The following DDAH1 variants were observed in gnomAD, a reference collection of about 807,000 sequenced individuals.
DDAH1 encodes dimethylarginine dimethylaminohydrolase 1.
DDAH1 carries 19 observed loss-of-function variants against 28.8 expected under a neutral mutation model. The ratio of observed to expected loss-of-function variants is 0.66; its 90% CI spans 0.46 to 0.97. The LOEUF (loss-of-function observed/expected upper bound fraction) is 0.97. DDAH1 is among the 50% of genes least tolerant of loss of function. The probability of loss-of-function intolerance (pLI) is 0.00; values close to 1 mark genes in which losing one functional copy is unlikely to be tolerated. For synonymous variants in DDAH1, 153 were observed against 154.4 expected (o/e 0.99, Z 0.07); for missense variants, 326 against 375.9 (o/e 0.87, Z 1.10).
chr1:85,343,613 C>T (rs1648646852), intron 4 of DDAH1, among the ~76,000 whole-genome samples: 1 of 152,180 alleles, frequency 6.6e-6, no homozygotes, highest in South Asian at 2.1e-4. Flanking sequence ...AATCTTGTGG[C>T]TACACACTAT....
intron 1 of DDAH1, among the ~76,000 whole-genome samples, chr1:85,454,076 A>AC (rs1215635264): frequency 1.3e-5 from 2 of 151,684 alleles, no homozygotes; most frequent in African/African-American, 4.9e-5. Flanking sequence ...ACTGGGTACA[A>AC]CCCCTGGCAA....
chr1:85,525,925 A>G (rs1487516299), intron 1 of DDAH1, among the ~76,000 whole-genome samples: 2 of 152,188 alleles, frequency 1.3e-5, no homozygotes, highest in Non-Finnish European at 2.9e-5. Flanking sequence ...AGTCAGTGGG[A>G]ACTTGCTATC....
chr1:85,334,979 C>A (rs1243710165), intron 4 of DDAH1, among the ~76,000 whole-genome samples: 1 of 152,108 alleles, frequency 6.6e-6, no homozygotes, highest in African/African-American at 2.4e-5. Flanking sequence ...GTTTCCCAAA[C>A]AACCAAAAAC....
chr1:85,361,523 C>A (rs1649795614), intron 1 of DDAH1, among the ~76,000 whole-genome samples: 1 of 152,038 alleles, frequency 6.6e-6, no homozygotes, highest in South Asian at 2.1e-4. Flanking sequence ...TTTTAGCCCA[C>A]AAAATTAGAA....
chr1:85,380,875 T>C (rs931908508), intron 1 of DDAH1, among the ~76,000 whole-genome samples: 1 of 152,142 alleles, frequency 6.6e-6, no homozygotes, highest in Non-Finnish European at 1.5e-5. Context: ...ACTTTCAAAA[T>C]ATGAAAAATT....
At chr1:85,527,716 T>A (rs115556970) in intron 1 of DDAH1, among the ~76,000 whole-genome samples, 5,521 of 152,240 alleles carry the variant, frequency 0.036, 157 homozygotes, top group South Asian at 0.1. Context: ...TTTTTTTTCA[T>A]ATTGGTCTTT....
intron 1 of DDAH1, among the ~76,000 whole-genome samples, chr1:85,389,829 G>C (rs1018950915): frequency 1.3e-5 from 2 of 152,170 alleles, no homozygotes; most frequent in African/African-American, 4.8e-5. Flanking sequence ...AAAAGTGTTA[G>C]AGAGGGAATT....
chr1:85,389,291 T>C (rs554924708), intron 1 of DDAH1, among the ~76,000 whole-genome samples: 2 of 152,314 alleles, frequency 1.3e-5, no homozygotes, highest in South Asian at 4.1e-4. Context: ...AAAAGTTGTT[T>C]TTATCTCAAA....
chr1:85,474,656 G>A (rs1235389417), intron 2 of DDAH1, among the ~76,000 whole-genome samples: 1 of 152,172 alleles, frequency 6.6e-6, no homozygotes, highest in Non-Finnish European at 1.5e-5. Context: ...AATCCAAGGA[G>A]CTCTTGGCAA....
intron 2 of DDAH1, among the ~76,000 whole-genome samples, chr1:85,473,264 A>G (rs1655679901): frequency 6.6e-6 from 1 of 152,172 alleles, no homozygotes. Context: ...GTCAAATGGT[A>G]GTTCCCCAAA....
intron 1 of DDAH1, among the ~76,000 whole-genome samples, chr1:85,423,738 A>T (rs1248226582): frequency 6.6e-6 from 1 of 152,158 alleles, no homozygotes; most frequent in Non-Finnish European, 1.5e-5. Flanking sequence ...TCATGCAAAA[A>T]ATAGCTTAAT....
intron 1 of DDAH1, among the ~76,000 whole-genome samples, chr1:85,430,257 T>C (rs1557620918): frequency 6.6e-6 from 1 of 152,190 alleles, no homozygotes; most frequent in Non-Finnish European, 1.5e-5. Flanking sequence ...CATTGGTCTA[T>C]ATCTCTGTTT....
At chr1:85,340,404 C>T (rs553939270) in intron 4 of DDAH1, among the ~76,000 whole-genome samples, 4 of 152,302 alleles carry the variant, frequency 2.6e-5, no homozygotes, top group South Asian at 2.1e-4. Context: ...ACCAAAGGCA[C>T]GCCATTGTGG....
At chr1:85,540,091 T>C (rs548117746) in intron 1 of DDAH1, among the ~76,000 whole-genome samples, 7 of 151,624 alleles carry the variant, frequency 4.6e-5, no homozygotes, top group African/African-American at 9.7e-5. Flanking sequence ...ACATTAAATA[T>C]ACATGCTAAG....
chr1:85,412,962 C>A (rs1331492389), intron 1 of DDAH1, among the ~76,000 whole-genome samples: 1 of 152,306 alleles, frequency 6.6e-6, no homozygotes, highest in South Asian at 2.1e-4. Context: ...GATGGTGCCA[C>A]TGTACTCCAG....
chr1:85,468,542 C>T (rs529913742), upstream of DDAH1, among the ~76,000 whole-genome samples: 19 of 140,410 alleles, frequency 1.4e-4, no homozygotes, highest in Admixed American at 5.2e-4. Context: ...TTTTTTGAGA[C>T]GGAGTCTCGC....
chr1:85,380,080 G>A (rs1378488207), intron 1 of DDAH1, among the ~76,000 whole-genome samples: 2 of 152,154 alleles, frequency 1.3e-5, no homozygotes, highest in Non-Finnish European at 2.9e-5. Flanking sequence ...TCTTTTAAGT[G>A]TATGAAGTTT....
At chr1:85,542,486 G>A (rs1231146710) in intron 1 of DDAH1, among the ~76,000 whole-genome samples, 1 of 152,122 alleles carries the variant, frequency 6.6e-6, no homozygotes, top group Non-Finnish European at 1.5e-5. Flanking sequence ...ACAAGAAAAC[G>A]AGGTTTGTAT....
At chr1:85,461,878 G>C (rs1198500809) in intron 1 of DDAH1, among the ~76,000 whole-genome samples, 1 of 152,184 alleles carries the variant, frequency 6.6e-6, no homozygotes, top group African/African-American at 2.4e-5. Context: ...GCTTGGAAAA[G>C]TGATGTCTAA....
Sources: gnomAD v4.1 joint callset for allele counts (sites outside exome capture counted in the v4.1 genomes callset) on GRCh38, gnomAD v4.1.1 for gene constraint, MANE v1.5 for transcripts, NCBI Gene and HGNC (gene_info 2026-07-23, HGNC 2026-07-21) for gene names.